MEG3: variants seen among roughly 807,000 people sequenced by gnomAD.
MEG3 encodes the protein maternally expressed 3, also known as Very putative protein from MEG3 locus.
At chr14:100,851,773 G>C (rs964286597) in intron 3 of MEG3, 4 of 153,206 alleles carry the variant, frequency 2.6e-5, no homozygotes, top group African/African-American at 9.7e-5. Context: ...TCGCTGTGTC[G>C]AGGTTGTCTC....
intron 1 of MEG3, chr14:100,827,317 C>G (rs2037266270): frequency 7.1e-6 from 1 of 140,816 alleles, no homozygotes; most frequent in Non-Finnish European, 1.5e-5. Flanking sequence ...GCGCTGGCGG[C>G]ACTGCGGAAT....
chr14:100,857,675 G>C (rs1595309843), exon 1 of MEG3: 1 of 152,164 alleles, frequency 6.6e-6, no homozygotes, highest in Non-Finnish European at 1.5e-5. Flanking sequence ...ATTCCAACGT[G>C]GGCTGCTGCT....
At chr14:100,834,154 C>T (rs575677579), downstream of MEG3, 1 of 152,654 alleles carries the variant, frequency 6.6e-6, no homozygotes, top group East Asian at 1.9e-4. Context: ...CACACGAAAA[C>T]CTGGCCTCCC....
At chr14:100,826,986 G>A (rs2037252194) in intron 1 of MEG3, among the ~76,000 whole-genome samples, 1 of 151,820 alleles carries the variant, frequency 6.6e-6, no homozygotes, top group South Asian at 2.1e-4. Context: ...GTGGGTTGGG[G>A]AGGAGAGAAG....
At position 100,827,694 on chromosome 14, in the gene MEG3, T is replaced by C. The variant is rs558961292; in HGVS notation, n.372-1014T>C. On this transcript the variant is annotated intron_variant and non_coding_transcript_variant, in intron 1 of 2. Coordinates refer to ENST00000556407, the Ensembl canonical transcript of MEG3. Reference sequence around the variant, plus strand: ...GGAGGGAGGCACGACTTTGGAGGCGTGATGTTGATGCCTGGGGGCGAAGGC... The same window carrying C: ...GGAGGGAGGCACGACTTTGGAGGCGCGATGTTGATGCCTGGGGGCGAAGGC... Among the ~76,000 whole-genome samples the C allele has an allele frequency of 3.3e-5, 5 of 151,890 alleles. 1 individual carries two copies. The East Asian group carries it at 9.8e-4, about 30-fold the overall frequency.
At chr14:100,826,164 T>C (rs991138022) in intron 1 of MEG3, 5 of 152,190 alleles carry the variant, frequency 3.3e-5, no homozygotes, top group African/African-American at 1.2e-4. Flanking sequence ...CTCGCTGGCC[T>C]TGGCGGCGGC....
At chr14:100,840,943 C>T (rs1038083938) in intron 2 of MEG3, among the ~76,000 whole-genome samples, 1 of 152,212 alleles carries the variant, frequency 6.6e-6, no homozygotes, top group Non-Finnish European at 1.5e-5. Flanking sequence ...TTCTCTGGGC[C>T]TTCCTGGCAG....
intron 2 of MEG3, among the ~76,000 whole-genome samples, chr14:100,843,554 AC>A (rs1365604058): frequency 3.2e-4 from 49 of 152,264 alleles, no homozygotes; most frequent in African/African-American, 1.1e-3. Flanking sequence ...TATCAAATTA[AC>A]CAGTTATGGC....
chr14:100,852,592 A>T, upstream of MEG3: 1 of 359,874 alleles, frequency 2.8e-6, no homozygotes, highest in South Asian at 2.0e-5. Context: ...CTCCCTGACA[A>T]GCTGTGTCAC....
At chr14:100,828,287 G>T (rs2037304263) in intron 1 of MEG3, among the ~76,000 whole-genome samples, 1 of 151,978 alleles carries the variant, frequency 6.6e-6, no homozygotes, top group African/African-American at 2.4e-5. Flanking sequence ...TTGCGCACAC[G>T]CACACAGCTA....
At position 100,837,913 on chromosome 14, in the gene MEG3, C is replaced by T. The variant is rs60164928; in HGVS notation, n.3045+1613C>T. Among the ~76,000 whole-genome samples, 42 of 151,936 alleles carry T rather than the reference C, an allele frequency of 2.8e-4. No individual in the cohort carries two copies. The highest frequency in any genetic ancestry group is 4.4e-4 in the Non-Finnish European group (30 of 67,966). On this transcript the variant is annotated intron_variant and non_coding_transcript_variant, in intron 2 of 3. Transcript: ENST00000398461. This position sits in a 1 kb window ranked among gnomAD's most constrained non-coding sequence, Gnocchi z 5.8. ...TGGAGAGCCCCAGAGCCTGGAGAGACGGGGAGGGGAGTGTGTGCCCAGGGC... is the reference window on the plus strand; with the variant it reads ...TGGAGAGCCCCAGAGCCTGGAGAGATGGGGAGGGGAGTGTGTGCCCAGGGC...
upstream of MEG3, chr14:100,854,476 C>T (rs1198330216): frequency 1.3e-5 from 2 of 152,156 alleles, no homozygotes; most frequent in African/African-American, 4.8e-5. Context: ...CCTAGGTGGC[C>T]TTTCAGGTCT....
Position 100,845,703 on chromosome 14 carries a change from G to C in MEG3, n.3121+170G>C, listed in dbSNP as rs1398522063. On this transcript the variant is annotated intron_variant and non_coding_transcript_variant, in intron 3 of 3. Transcript: ENST00000398461. The surrounding 1 kb of genome is among the most constrained non-coding windows in gnomAD (Gnocchi z 5.2). ...TCGAGTCAAGCCAAGTGCAGACCTG[G>C]GGGCTCCTGTTTTCTAAGACAGGAG... The C allele has an allele frequency of 7.7e-6, 2 of 260,430 alleles. No homozygotes were observed. The highest frequency in any genetic ancestry group is 6.5e-5 in the South Asian group (2 of 30,840). The allele number at this position is 260,430 out of a possible 1,614,324, so 16.1% of individuals were successfully genotyped here.
intron 2 of MEG3, among the ~76,000 whole-genome samples, chr14:100,842,055 C>T (rs572402168): frequency 1.0e-3 from 152 of 152,314 alleles, no homozygotes; most frequent in Non-Finnish European, 1.8e-3. Context: ...TCCCAGCTAT[C>T]TCTGTGTGCT....
intron 3 of MEG3, chr14:100,848,136 A>G (rs2037970140): frequency 1.3e-5 from 2 of 152,242 alleles, no homozygotes; most frequent in Admixed American, 6.5e-5. Flanking sequence ...AAAGGAAGAA[A>G]GGAAGAGAGG....
At chr14:100,856,153 C>T (rs1164897746), upstream of MEG3, 2 of 152,164 alleles carry the variant, frequency 1.3e-5, no homozygotes, top group African/African-American at 4.8e-5. Flanking sequence ...ATAAGAATCA[C>T]CTCCCGTGCA....
chr14:100,852,429 C>T (rs781529344), upstream of MEG3: 8 of 534,182 alleles, frequency 1.5e-5, no homozygotes, highest in South Asian at 1.1e-4. Flanking sequence ...CGTGTCAGGG[C>T]CACATGAGCT....
chr14:100,858,982 G>A (rs1233697736), exon 1 of MEG3: 1 of 152,440 alleles, frequency 6.6e-6, no homozygotes, highest in Non-Finnish European at 1.5e-5. Flanking sequence ...TCCCTTGGAG[G>A]TGGGCGGGGC....
intron 1 of MEG3, among the ~76,000 whole-genome samples, chr14:100,827,976 C>A (rs567950093): frequency 6.6e-6 from 1 of 151,906 alleles, no homozygotes; most frequent in African/African-American, 2.4e-5. Flanking sequence ...GGGGCTGGGG[C>A]CCGGTGGCTG....
Sources: gnomAD v4.1 joint callset for allele counts (sites outside exome capture counted in the v4.1 genomes callset) on GRCh38, gnomAD v4.1.1 for gene constraint, Gnocchi (gnomAD v3.1) non-coding constraint, MANE v1.5 for transcripts, NCBI Gene and HGNC (gene_info 2026-07-23, HGNC 2026-07-21) for gene names.